Variants in PTPRM observed in about 807,000 individuals in gnomAD.
PTPRM encodes the protein receptor-type tyrosine-protein phosphatase mu.
Under a neutral mutation model 186.7 loss-of-function variants are expected in PTPRM, and 47 were observed. The observed-to-expected ratio is 0.25, with a 90% CI of 0.20 to 0.32. The LOEUF (loss-of-function observed/expected upper bound fraction) is 0.32. Ranked by LOEUF, PTPRM falls within the 10% of genes least tolerant of loss-of-function variation. The probability of loss-of-function intolerance (pLI) is 1.00; values close to 1 mark genes in which losing one functional copy is unlikely to be tolerated. For missense variants in PTPRM, 1,494 were observed against 1,865.0 expected (o/e 0.80, Z 3.66); for synonymous variants, 668 against 674.9 (o/e 0.99, Z 0.16).
At chr18:7,964,661 A>G (rs908554555) in intron 7 of PTPRM, among the ~76,000 whole-genome samples, 32 of 152,222 alleles carry the variant, frequency 2.1e-4, no homozygotes, top group African/African-American at 7.5e-4. Flanking sequence ...CTATGGTGAA[A>G]TCTTTCAATA....
chr18:7,932,224 G>T (rs191524981), intron 5 of PTPRM, among the ~76,000 whole-genome samples: 1 of 152,276 alleles, frequency 6.6e-6, no homozygotes, highest in East Asian at 1.9e-4. Flanking sequence ...GTTGAGGTGT[G>T]CATGTTGAGT....
chr18:7,671,697 A>C (rs2039220058), intron 1 of PTPRM, among the ~76,000 whole-genome samples: 1 of 152,238 alleles, frequency 6.6e-6, no homozygotes, highest in Non-Finnish European at 1.5e-5. Flanking sequence ...TTTCATTCGT[A>C]AGTGAATTAA....
chr18:7,896,578 G>A (rs2049369555), intron 3 of PTPRM, among the ~76,000 whole-genome samples: 1 of 151,084 alleles, frequency 6.6e-6, no homozygotes, highest in Admixed American at 6.6e-5. Flanking sequence ...TGGGGCTGGG[G>A]AGGGTGGGCA....
intron 7 of PTPRM, among the ~76,000 whole-genome samples, chr18:8,023,388 G>A (rs1029118950): frequency 1.3e-5 from 2 of 152,184 alleles, no homozygotes; most frequent in Non-Finnish European, 2.9e-5. Flanking sequence ...CCAATATGGA[G>A]GAGAGATATA....
chr18:8,121,598 G>T (rs193193716), intron 13 of PTPRM, among the ~76,000 whole-genome samples: 2 of 152,182 alleles, frequency 1.3e-5, no homozygotes, highest in East Asian at 3.9e-4. Flanking sequence ...AAGGCAATTC[G>T]TAGTTTCTAT....
chr18:8,038,620 A>G (rs2086494572), intron 7 of PTPRM, among the ~76,000 whole-genome samples: 1 of 152,112 alleles, frequency 6.6e-6, no homozygotes, highest in Non-Finnish European at 1.5e-5. Flanking sequence ...TCCAACTCCT[A>G]GCCTGAAGTG....
At chr18:7,983,727 T>G (rs1043005861) in intron 7 of PTPRM, among the ~76,000 whole-genome samples, 6 of 152,170 alleles carry the variant, frequency 3.9e-5, no homozygotes, top group African/African-American at 1.4e-4. Context: ...GCCTGTCTTC[T>G]TTGCCACTAA....
intron 7 of PTPRM, among the ~76,000 whole-genome samples, chr18:7,974,049 G>A (rs578156986): frequency 7.0e-4 from 106 of 152,044 alleles, no homozygotes; most frequent in African/African-American, 2.3e-3. Context: ...AATGATGCGC[G>A]AGGAGAATGG....
intron 19 of PTPRM, among the ~76,000 whole-genome samples, chr18:8,255,649 A>G (rs953972354): frequency 7.2e-5 from 11 of 152,246 alleles, no homozygotes; most frequent in Non-Finnish European, 4.4e-5. Flanking sequence ...AAAGGAAATA[A>G]TGAACAAAAC....
chr18:8,341,409 C>T (rs1404078067), intron 22 of PTPRM, among the ~76,000 whole-genome samples: 1 of 152,212 alleles, frequency 6.6e-6, no homozygotes, highest in Admixed American at 6.5e-5. Context: ...CTGAGTTCCC[C>T]TCCGGGAGGG....
chr18:7,723,963 C>T (rs1444719555), intron 1 of PTPRM, among the ~76,000 whole-genome samples: 1 of 152,100 alleles, frequency 6.6e-6, no homozygotes, highest in Non-Finnish European at 1.5e-5. Flanking sequence ...TGTTCTGTGC[C>T]TCCAGGCCCT....
intron 13 of PTPRM, among the ~76,000 whole-genome samples, chr18:8,143,318 T>G (rs1412912911): frequency 6.6e-6 from 1 of 152,150 alleles, no homozygotes; most frequent in African/African-American, 2.4e-5. Context: ...GTTAGTAAGT[T>G]TTTAAATGGC....
intron 22 of PTPRM, among the ~76,000 whole-genome samples, chr18:8,337,160 C>A (rs533806078): frequency 2.0e-5 from 3 of 151,954 alleles, no homozygotes; most frequent in Non-Finnish European, 4.4e-5. Context: ...TGCCTTAGAT[C>A]GTCTTTATGT....
At chr18:7,780,458 T>A (rs2042801125) in intron 2 of PTPRM, among the ~76,000 whole-genome samples, 1 of 152,180 alleles carries the variant, frequency 6.6e-6, no homozygotes, top group Non-Finnish European at 1.5e-5. Flanking sequence ...CTTCTTGAAA[T>A]GAATGTGAAG....
chr18:7,876,695 T>A (rs1202877603), intron 2 of PTPRM, among the ~76,000 whole-genome samples: 1 of 152,214 alleles, frequency 6.6e-6, no homozygotes, highest in Non-Finnish European at 1.5e-5. Flanking sequence ...GTTGTTCCTT[T>A]CTCTGCTATC....
intron 1 of PTPRM, among the ~76,000 whole-genome samples, chr18:7,729,543 CAA>C (rs1461239682): frequency 6.6e-6 from 1 of 151,344 alleles, no homozygotes; most frequent in African/African-American, 2.4e-5. Flanking sequence ...AAAAACAGTA[CAA>C]AAGACTTAGA....
At chr18:8,032,304 A>T (rs534302136) in intron 7 of PTPRM, among the ~76,000 whole-genome samples, 11 of 152,278 alleles carry the variant, frequency 7.2e-5, no homozygotes, top group Admixed American at 2.6e-4. Flanking sequence ...CATATGAAAT[A>T]AATTATTATA....
chr18:8,190,928 G>A (rs954809040), intron 14 of PTPRM, among the ~76,000 whole-genome samples: 20 of 152,146 alleles, frequency 1.3e-4, no homozygotes, highest in Non-Finnish European at 2.5e-4. Flanking sequence ...GGTGGGATAG[G>A]TCATACCTTA....
intron 5 of PTPRM, among the ~76,000 whole-genome samples, chr18:7,932,933 G>A (rs1228180368): frequency 1.3e-5 from 2 of 152,114 alleles, no homozygotes; most frequent in African/African-American, 2.4e-5. Flanking sequence ...AATGTGGTCC[G>A]AAAATGTCAA....
Sources: gnomAD v4.1 joint callset for allele counts (sites outside exome capture counted in the v4.1 genomes callset) on GRCh38, gnomAD v4.1.1 for gene constraint, MANE v1.5 for transcripts, NCBI Gene and HGNC (gene_info 2026-07-23, HGNC 2026-07-21) for gene names.